NUP98: variants seen among roughly 807,000 people sequenced by gnomAD.
NUP98 encodes nucleoporin 98 and 96 precursor, also known as nuclear pore complex protein Nup98-Nup96.
In NUP98, 26 loss-of-function variants were observed where a neutral mutation model predicts 191.9. The observed-to-expected ratio is 0.14, with a 90% CI of 0.10 to 0.19. The LOEUF (loss-of-function observed/expected upper bound fraction) is 0.19. Ranked by LOEUF, NUP98 falls within the 10% of genes least tolerant of loss-of-function variation. The probability of loss-of-function intolerance (pLI) is 1.00; values close to 1 mark genes in which losing one functional copy is unlikely to be tolerated. For synonymous variants in NUP98, 808 were observed against 778.4 expected, an observed-to-expected ratio of 1.04 and a Z score of -0.63; for missense variants, 1,941 against 2,178.8, an observed-to-expected ratio of 0.89 and a Z score of 2.17.
chr11:3,725,385 T>C (rs1436380298), intron 14 of NUP98, among the ~76,000 whole-genome samples, 166 bp from the exon 15 acceptor site: 3 of 152,336 alleles, frequency 2.0e-5, no homozygotes, highest in East Asian at 1.9e-4. Context: ...TAGGATTGTA[T>C]AGCCAAAACA....
chr11:3,797,135 G>A (rs143044640), intron 1 of NUP98, among the ~76,000 whole-genome samples: 582 of 152,372 alleles, frequency 3.8e-3, no homozygotes, highest in African/African-American at 0.013. Flanking sequence ...CAACCAGACA[G>A]ACACCCACTC....
Position 3,702,445 on chromosome 11 carries a change from T to G in NUP98, c.3512+18A>C. On this transcript the variant is annotated intron_variant, in intron 23 of 32. Coordinates refer to ENST00000324932, the MANE Select transcript of NUP98 (RefSeq NM_016320.5). ...ATCATGTTGCCTTTCTCAAAAAGCA[T>G]CAAGAAATGTGACTCACGGTTTAAC... The G allele has an allele frequency of 6.3e-7, 1 of 1,596,160 alleles. No individual in the cohort carries two copies. The highest frequency in any genetic ancestry group is 8.6e-7 in the Non-Finnish European group (1 of 1,167,912).
rs543317466 is a variant in NUP98 at position 3,706,536 on chromosome 11, A to G, written c.2834T>C (p.Met945Thr). ...ATCCTCAGGCATGCTCTCTTCTAAC[A>G]TGGTATCCAAAACTGGCTCCTGGGT... ...DITQEPVLDT[M>T]LEESMPEDQE... Residue 945 changes from methionine to threonine, a missense_variant, in exon 21 of 33, where the codon ATG becomes ACG. Coordinates refer to ENST00000324932, the MANE Select transcript of NUP98 (RefSeq NM_016320.5). 1 of 1,614,150 alleles carries G rather than the reference A, an allele frequency of 6.2e-7. No homozygotes were observed. The highest frequency in any genetic ancestry group is 1.1e-5 in the South Asian group (1 of 91,078).
intron 1 of NUP98, among the ~76,000 whole-genome samples, chr11:3,791,821 G>A (rs559515251): frequency 1.1e-4 from 17 of 147,864 alleles, no homozygotes; most frequent in East Asian, 3.9e-4. Context: ...CAGCCTAGGC[G>A]ACAGAGTGAG....
intron 11 of NUP98, among the ~76,000 whole-genome samples, chr11:3,745,545 T>C (rs1440022651): frequency 6.6e-6 from 1 of 152,190 alleles, no homozygotes; most frequent in Non-Finnish European, 1.5e-5. Context: ...ATACAAGTTA[T>C]TGGCATTATT....
At chr11:3,764,436 T>C (rs1393059133) in intron 8 of NUP98, among the ~76,000 whole-genome samples, 2 of 152,242 alleles carry the variant, frequency 1.3e-5, no homozygotes, top group African/African-American at 2.4e-5. Flanking sequence ...GTCTTATTTT[T>C]CTTCGGTAAA....
intron 7 of NUP98, among the ~76,000 whole-genome samples, chr11:3,770,138 G>A (rs536908786): frequency 1.3e-5 from 2 of 150,252 alleles, no homozygotes; most frequent in African/African-American, 4.9e-5. Flanking sequence ...TGAGGTCAGG[G>A]GTTCGAGACC....
chr11:3,686,047 A>T lies in NUP98; in HGVS notation c.4602T>A (p.Ser1534Arg). ...SAQCEGVLQA[S>R]YAGQLESEGL... ...CCTCACTTTCAAGCTGGCCAGCGTA[A>T]CTGGCCTGTAGCACACCTTCACACT... Residue 1534 changes from serine to arginine, a missense_variant, in exon 29 of 33, where the codon AGT becomes AGA. Ser to Arg is a moderately radical substitution (Grantham distance 110). Transcript: ENST00000324932. The T allele has an allele frequency of 1.9e-6, 3 of 1,614,214 alleles. No individual in the cohort carries two copies. Among genetic ancestry groups the T allele is most frequent in the Non-Finnish European group, 2.5e-6 (3 of 1,180,036 alleles).
chr11:3,772,052 G>T, intron 6 of NUP98, 124 bp from the exon 7 acceptor site: 2 of 715,920 alleles, frequency 2.8e-6, no homozygotes, highest in Middle Eastern at 4.1e-4. Context: ...CTAAAAAAGA[G>T]AAAACTAAGG....
At chr11:3,679,738 C>G (rs1282202265) in intron 30 of NUP98, 30 bp from the exon 31 acceptor site, 1 of 1,601,978 alleles carries the variant, frequency 6.2e-7, no homozygotes, top group East Asian at 2.2e-5. Context: ...AGCACAATGT[C>G]TGCACAAGTG....
chr11:3,680,434 C>A (rs1435727135), intron 30 of NUP98, among the ~76,000 whole-genome samples: 1 of 152,190 alleles, frequency 6.6e-6, no homozygotes, highest in African/African-American at 2.4e-5. Context: ...GTACTTCCCC[C>A]ACTAAAGTCT....
intron 15 of NUP98, among the ~76,000 whole-genome samples, chr11:3,724,780 C>CAGAAAAAAAAAAAAAAAAAA (rs2079549398): frequency 1.2e-5 from 1 of 80,166 alleles, no homozygotes. Context: ...GACTCTGTCT[C>CAGAAAAAAAAAAAAAAAAAA]AAAAAAAAAA....
At chr11:3,728,637 T>C (rs1330586605) in intron 14 of NUP98, among the ~76,000 whole-genome samples, 1 of 151,514 alleles carries the variant, frequency 6.6e-6, no homozygotes, top group Non-Finnish European at 1.5e-5. Flanking sequence ...TACTTGGGAG[T>C]CTGAAGCAGG....
intron 8 of NUP98, among the ~76,000 whole-genome samples, chr11:3,763,610 T>C (rs1394571726): frequency 6.6e-6 from 1 of 152,186 alleles, no homozygotes; most frequent in African/African-American, 2.4e-5. Context: ...CAGGCTGAAG[T>C]ACAGTGGCAC....
chr11:3,771,821 T>C lies in NUP98; in HGVS notation c.711A>G (p.Ala237=). The C allele has an allele frequency of 1.9e-6, 3 of 1,614,174 alleles. No individual in the cohort carries two copies. Among genetic ancestry groups the C allele is most frequent in the Non-Finnish European group, 2.5e-6 (3 of 1,180,032 alleles). ...TGGTGGAGGAGCTGAAGAGTCCTGTTGCGCTGGAAGTGGCTGGAGAAGACC... is the reference window on the plus strand; with the variant it reads ...TGGTGGAGGAGCTGAAGAGTCCTGTCGCGCTGGAAGTGGCTGGAGAAGACC... The part of the protein sequence containing the change: ...LFGSSPATSS[A]TGLFSSSTTN... The change falls in exon 7 of 33, where the codon GCA becomes GCG. Residue 237 remains alanine (A), a synonymous_variant. Coordinates refer to ENST00000324932, the MANE Select transcript of NUP98 (RefSeq NM_016320.5).
At chr11:3,761,514 C>T (rs979848103) in intron 9 of NUP98, among the ~76,000 whole-genome samples, 3 of 152,118 alleles carry the variant, frequency 2.0e-5, no homozygotes, top group African/African-American at 7.2e-5. Context: ...AATCCCAGCA[C>T]TTTCGGAGTC....
intron 11 of NUP98, among the ~76,000 whole-genome samples, chr11:3,750,630 T>TG (rs1220436959): frequency 1.3e-4 from 19 of 150,782 alleles, no homozygotes; most frequent in Admixed American, 4.7e-4. Flanking sequence ...AATGTTTTTT[T>TG]TTTGTTTTTT....
rs2079031785 is a variant in NUP98 at position 3,711,917 on chromosome 11, G to A, written c.2742+647C>T. 1.1e-5 allele frequency: 11 copies of A among 1,039,262 alleles called. No homozygotes were observed. In the South Asian group the frequency reaches 4.1e-4, roughly 39 times the overall value. The allele number at this position is 1,039,262 out of a possible 1,614,324, so 64.4% of individuals were successfully genotyped here. A position where few individuals can be genotyped will look rare whatever the true frequency, so the allele number is the denominator to read the frequency against. ...GAATTATAGCATGGAAAATACCAAA[G>A]GTCTAGCTTTCAGCAGCTGAGAGGT... On this transcript the variant is annotated intron_variant, in intron 20 of 32. Transcript: ENST00000324932.
intron 23 of NUP98, among the ~76,000 whole-genome samples, chr11:3,701,429 T>C (rs1009267562): frequency 6.6e-6 from 1 of 151,962 alleles, no homozygotes; most frequent in Non-Finnish European, 1.5e-5. Flanking sequence ...CCTGGGCTAA[T>C]TTTTGTAATT....
Sources: gnomAD v4.1 joint callset for allele counts (sites outside exome capture counted in the v4.1 genomes callset) on GRCh38, gnomAD v4.1.1 for gene constraint, MANE v1.5 for transcripts, NCBI Gene and HGNC (gene_info 2026-07-23, HGNC 2026-07-21) for gene names.